Variants in CFAP161 observed in about 807,000 individuals in gnomAD.
CFAP161 encodes the protein cilia and flagella associated protein 161, also known as cilia- and flagella-associated protein 161.
Under a neutral mutation model 29.0 loss-of-function variants are expected in CFAP161, and 25 were observed. The ratio of observed to expected loss-of-function variants is 0.86; its 90% CI spans 0.63 to 1.20. CFAP161 has a LOEUF of 1.20. CFAP161 is among the 50% of genes most tolerant of loss of function. The pLI, the probability that CFAP161 is intolerant of heterozygous loss-of-function variation, is 0.00. For missense variants in CFAP161, 367 were observed against 371.9 expected, an observed-to-expected ratio of 0.99 and a Z score of 0.11; for synonymous variants, 116 against 137.4, an observed-to-expected ratio of 0.84 and a Z score of 1.09.
intron 3 of CFAP161, among the ~76,000 whole-genome samples, chr15:81,137,096 A>G (rs1304467953): frequency 6.7e-6 from 1 of 149,252 alleles, no homozygotes; most frequent in Non-Finnish European, 1.5e-5. Flanking sequence ...TAATACGGCT[A>G]TTTTTTTTTT....
rs899581349 is a variant in CFAP161 at position 81,148,227 on chromosome 15, C to T, written c.711-111C>T. ...GTCCCATTTTAGAGATTCCCTAGGG[C>T]TTTATCTAGCAATCCGCTTCTTAAG... On this transcript the variant is annotated intron_variant, in intron 6 of 6. Coordinates refer to ENST00000286732, the MANE Select transcript of CFAP161 (RefSeq NM_173528.4). The T allele has an allele frequency of 2.4e-5, 26 of 1,101,174 alleles. No homozygotes were observed. In the African/African-American group the frequency reaches 3.9e-4, roughly 17 times the overall value. The allele number at this position is 1,101,174 out of a possible 1,614,324, so 68.2% of individuals were successfully genotyped here. A position where few individuals can be genotyped will look rare whatever the true frequency, so the allele number is the denominator to read the frequency against.
chr15:81,134,914 G>C (rs574871160), intron 1 of CFAP161, among the ~76,000 whole-genome samples: 1 of 152,262 alleles, frequency 6.6e-6, no homozygotes, highest in East Asian at 1.9e-4. Context: ...TGAGCCATTC[G>C]TATACGGGTC....
At chr15:81,135,438 A>C in intron 2 of CFAP161, 79 bp downstream of exon 2, 1 of 917,082 alleles carries the variant, frequency 1.1e-6, no homozygotes, top group Non-Finnish European at 1.7e-6. Context: ...ATATGTATAC[A>C]TATGCTATGT....
chr15:81,138,208 C>A, intron 4 of CFAP161, 73 bp downstream of exon 4: 1 of 1,216,822 alleles, frequency 8.2e-7, no homozygotes, highest in Non-Finnish European at 1.2e-6. Flanking sequence ...TAACTATCTA[C>A]TGAAGTGGAC....
intron 4 of CFAP161, among the ~76,000 whole-genome samples, chr15:81,143,078 T>C (rs6495539): frequency 0.41 from 62,479 of 151,986 alleles, 16,302 homozygotes; most frequent in African/African-American, 0.74. Context: ...TTTGGGAGGC[T>C]GAGGTGGGAG....
chr15:81,148,575 CAA>C lies in CFAP161; in HGVS notation c.*44_*45del. The C allele has an allele frequency of 6.5e-7, 1 of 1,545,248 alleles. No individual in the cohort carries two copies. The highest frequency in any genetic ancestry group is 8.8e-7 in the Non-Finnish European group (1 of 1,135,824). On this transcript the variant is annotated 3_prime_UTR_variant, in exon 7 of 7. Coordinates refer to ENST00000286732, the MANE Select transcript of CFAP161 (RefSeq NM_173528.4). The stretch of plus-strand genomic sequence containing the variant: ...ATGTTTTCCCTGGTCCCGCTCTCAT[CAA>C]ATGTAGCTTTAAAAGAAATTAACAA...
upstream of CFAP161, among the ~76,000 whole-genome samples, chr15:81,131,154 A>G (rs78382552): frequency 6.6e-6 from 1 of 151,078 alleles, no homozygotes; most frequent in Non-Finnish European, 1.5e-5. Flanking sequence ...AAAAAAAAAA[A>G]AGAATCAATA....
upstream of CFAP161, among the ~76,000 whole-genome samples, chr15:81,131,410 G>A (rs145521002): frequency 3.3e-5 from 5 of 152,112 alleles, no homozygotes; most frequent in East Asian, 9.7e-4. Flanking sequence ...AAAACTAAGG[G>A]ATACCATGAT....
At chr15:81,141,942 C>T (rs1321535520) in intron 4 of CFAP161, among the ~76,000 whole-genome samples, 1 of 152,128 alleles carries the variant, frequency 6.6e-6, no homozygotes, top group Non-Finnish European at 1.5e-5. Context: ...CCTGAGTCTC[C>T]CAAAGTGCTG....
At chr15:81,139,684 G>A (rs1452708376) in intron 4 of CFAP161, among the ~76,000 whole-genome samples, 4 of 152,114 alleles carry the variant, frequency 2.6e-5, no homozygotes, top group African/African-American at 9.7e-5. Flanking sequence ...TAAAGTTCCA[G>A]TGTGCATTTG....
At position 81,136,717 on chromosome 15, in the gene CFAP161, C is replaced by G; in HGVS notation, c.361C>G (p.Pro121Ala). Residue 121 changes from proline to alanine, a missense_variant, in exon 3 of 7, where the codon CCA becomes GCA. Pro to Ala is a conservative substitution (Grantham distance 27). Transcript: ENST00000286732. Reference sequence around the variant, plus strand: ...CCTGAGCGCAGTTCAAGCCAAGACCCCAATTGGCAGAAACACTTTTATCAT... The same window carrying G: ...CCTGAGCGCAGTTCAAGCCAAGACCGCAATTGGCAGAAACACTTTTATCAT... Reference protein sequence around the residue: ...CGLSAVQAKTPIGRNTFIILS... With the variant: ...CGLSAVQAKTAIGRNTFIILS... 6.2e-7 allele frequency: 1 copy of G among 1,613,892 alleles called. No individual in the cohort carries two copies. Among genetic ancestry groups the G allele is most frequent in the Non-Finnish European group, 8.5e-7 (1 of 1,179,906 alleles).
chr15:81,106,639 A>C (rs1402537497), intron 1 of CFAP161, among the ~76,000 whole-genome samples: 1 of 152,260 alleles, frequency 6.6e-6, no homozygotes, highest in East Asian at 1.9e-4. Flanking sequence ...GTCACAAATC[A>C]GAAGCTGTAC....
chr15:81,106,193 TA>T (rs1269518456), intron 1 of CFAP161, among the ~76,000 whole-genome samples: 4 of 152,170 alleles, frequency 2.6e-5, no homozygotes, highest in Non-Finnish European at 5.9e-5. Flanking sequence ...CTTGAGAAAG[TA>T]AATTCAAATA....
chr15:81,133,229 T>TATA (rs1567156514), upstream of CFAP161, among the ~76,000 whole-genome samples: 34 of 90,526 alleles, frequency 3.8e-4, 4 homozygotes, highest in Admixed American at 7.0e-4. Context: ...ATATATGTAT[T>TATA]TTTTTTTAAA....
At chr15:81,142,601 G>C (rs1008775022) in intron 4 of CFAP161, among the ~76,000 whole-genome samples, 11 of 152,178 alleles carry the variant, frequency 7.2e-5, no homozygotes, top group Admixed American at 1.3e-4. Flanking sequence ...GCTGCATGCA[G>C]GTGCTTCCCA....
At chr15:81,101,403 T>C (rs1894301643) in intron 1 of CFAP161, among the ~76,000 whole-genome samples, 1 of 151,780 alleles carries the variant, frequency 6.6e-6, no homozygotes, top group South Asian at 2.1e-4. Context: ...GGCAGGCACC[T>C]GTAATCCCGG....
At chr15:81,100,144 G>T (rs1894286053) in intron 1 of CFAP161, among the ~76,000 whole-genome samples, 1 of 151,178 alleles carries the variant, frequency 6.6e-6, no homozygotes, top group South Asian at 2.1e-4. Context: ...TTTTGGTATA[G>T]TCTGGGACTT....
intron 3 of CFAP161, 143 bp downstream of exon 3, chr15:81,136,891 T>G: frequency 1.5e-6 from 1 of 667,782 alleles, no homozygotes; most frequent in Middle Eastern, 3.8e-4. Context: ...TTTGCTTACC[T>G]TGAGAATTAT....
At position 81,108,257 on chromosome 15, in the gene CFAP161, A is replaced by G. The variant is rs1053667155; in HGVS notation, c.-141-19333A>G. On this transcript the variant is annotated intron_variant, in intron 1 of 4. Transcript: ENST00000560091. Reference sequence around the variant, plus strand: ...GAAAAATAGAAATGGACCCAAACAGATTCATTCTTGTTGCATTCTGAATCT... The same window carrying G: ...GAAAAATAGAAATGGACCCAAACAGGTTCATTCTTGTTGCATTCTGAATCT... Among the ~76,000 whole-genome samples the G allele has an allele frequency of 2.6e-5, 4 of 152,268 alleles. No homozygotes were observed. The South Asian group carries it at 8.3e-4, about 32-fold the overall frequency.
Sources: allele counts gnomAD v4.1 joint callset (sites outside exome capture counted in the v4.1 genomes callset), GRCh38; gene constraint gnomAD v4.1.1; transcripts MANE v1.5; gene names NCBI Gene and HGNC (gene_info 2026-07-23, HGNC 2026-07-21).